Variants in STAU2 observed in about 807,000 individuals in gnomAD.
STAU2 encodes double-stranded RNA-binding protein Staufen homolog 2.
Under a neutral mutation model 65.9 loss-of-function variants are expected in STAU2, and 20 were observed. The observed-to-expected ratio is 0.30, with a 90% confidence interval of 0.21 to 0.44. STAU2 has a LOEUF of 0.44. STAU2 is among the 20% of genes least tolerant of loss of function. The pLI, the probability that STAU2 is intolerant of heterozygous loss-of-function variation, is 1.00. For synonymous variants in STAU2, 232 were observed against 233.9 expected (o/e 0.99, Z 0.07); for missense variants, 558 against 683.9 (o/e 0.82, Z 2.05).
At chr8:73,423,021 T>C (rs10283315) in intron 13 of STAU2, among the ~76,000 whole-genome samples, 71,097 of 152,090 alleles carry the variant, frequency 0.47, 17,071 homozygotes, top group African/African-American at 0.56. Flanking sequence ...ATTTCTCACG[T>C]TACTGAAACT....
chr8:73,615,998 T>C (rs528968496), intron 7 of STAU2, among the ~76,000 whole-genome samples: 1 of 152,322 alleles, frequency 6.6e-6, no homozygotes, highest in Admixed American at 6.5e-5. Context: ...AGGAAAAGCA[T>C]TTAATGCAGA....
chr8:73,481,556 G>A (rs903670918), intron 13 of STAU2, among the ~76,000 whole-genome samples: 5 of 140,742 alleles, frequency 3.6e-5, no homozygotes, highest in Non-Finnish European at 6.1e-5. Flanking sequence ...CCAAACTAAA[G>A]CATTCTCTAG....
At chr8:73,712,789 T>A (rs28704620) in intron 3 of STAU2, among the ~76,000 whole-genome samples, 1 of 151,672 alleles carries the variant, frequency 6.6e-6, no homozygotes, top group African/African-American at 2.4e-5. Flanking sequence ...ACCTCATCTC[T>A]ACAAAAAAAT....
chr8:73,430,690 T>A (rs1388084846), intron 13 of STAU2, among the ~76,000 whole-genome samples: 1 of 152,148 alleles, frequency 6.6e-6, no homozygotes, highest in Admixed American at 6.5e-5. Flanking sequence ...AATTTAACAG[T>A]CCACAAAAAT....
intron 12 of STAU2, among the ~76,000 whole-genome samples, chr8:73,558,127 C>A (rs76212096): frequency 0.087 from 13,308 of 152,216 alleles, 963 homozygotes; most frequent in African/African-American, 0.17. Context: ...TAACCATTAC[C>A]TTAAATAGCC....
At chr8:73,673,807 C>T (rs566339737) in intron 5 of STAU2, among the ~76,000 whole-genome samples, 8 of 151,942 alleles carry the variant, frequency 5.3e-5, no homozygotes, top group South Asian at 2.1e-4. Flanking sequence ...ATTAAAGATA[C>T]GTACAAGTAG....
At chr8:73,623,952 T>C (rs1813455376) in intron 6 of STAU2, among the ~76,000 whole-genome samples, 1 of 152,152 alleles carries the variant, frequency 6.6e-6, no homozygotes, top group Non-Finnish European at 1.5e-5. Flanking sequence ...GAAAATATGC[T>C]TTAAAAGAGG....
intron 12 of STAU2, among the ~76,000 whole-genome samples, chr8:73,553,304 T>C (rs1807472733): frequency 6.6e-6 from 1 of 152,222 alleles, no homozygotes; most frequent in Non-Finnish European, 1.5e-5. Context: ...TTTCCTGTTC[T>C]TGCCCCTTCC....
At chr8:73,663,538 T>G (rs1816997827) in intron 6 of STAU2, among the ~76,000 whole-genome samples, 1 of 151,984 alleles carries the variant, frequency 6.6e-6, no homozygotes, top group Non-Finnish European at 1.5e-5. Context: ...TTTGTTCTTT[T>G]CAAAATTGCT....
At chr8:73,428,821 G>A in intron 13 of STAU2, among the ~76,000 whole-genome samples, 1 of 152,090 alleles carries the variant, frequency 6.6e-6, no homozygotes, top group Non-Finnish European at 1.5e-5. Context: ...CTGCATATAT[G>A]AGACGAAGGC....
chr8:73,425,619 A>ATCTC (rs57368986), intron 13 of STAU2, among the ~76,000 whole-genome samples: 21 of 149,942 alleles, frequency 1.4e-4, no homozygotes, highest in Middle Eastern at 3.2e-3. Flanking sequence ...GGATAGCAAA[A>ATCTC]TCTCTCTCTC....
At chr8:73,631,721 A>T (rs1420538080) in intron 6 of STAU2, among the ~76,000 whole-genome samples, 1 of 152,162 alleles carries the variant, frequency 6.6e-6, no homozygotes, top group Admixed American at 6.6e-5. Flanking sequence ...AACAAATCAT[A>T]AGGAAATAAA....
Position 73,550,288 on chromosome 8 carries a change from A to G in STAU2, c.1530+1724T>C, listed in dbSNP as rs1807237937. Reference sequence around the variant, plus strand: ...TTTAAAAAGGCCTTAGCAATGCAATAATGAGGGAAGCAGACTCTACATGTT... The same window carrying G: ...TTTAAAAAGGCCTTAGCAATGCAATGATGAGGGAAGCAGACTCTACATGTT... On this transcript the variant is annotated intron_variant, in intron 13 of 14. Transcript: ENST00000524300. 3.0e-6 allele frequency: 3 copies of G among 984,650 alleles called. No homozygotes were observed. In the African/African-American group the frequency reaches 5.2e-5, roughly 17 times the overall value. 61.0% of individuals were successfully genotyped at this position (984,650 alleles called of 1,614,324 possible).
At chr8:73,514,939 A>G (rs1220026753) in intron 13 of STAU2, among the ~76,000 whole-genome samples, 2 of 152,212 alleles carry the variant, frequency 1.3e-5, no homozygotes, top group African/African-American at 4.8e-5. Context: ...ACTTCTTAGC[A>G]TCTAGTACAG....
chr8:73,551,183 A>G (rs1352254842), intron 13 of STAU2: 1 of 987,450 alleles, frequency 1.0e-6, no homozygotes, highest in Non-Finnish European at 1.2e-6. Context: ...CCCTTCCTAG[A>G]GTTTACAATT....
At chr8:73,680,053 G>A (rs1818312153) in intron 5 of STAU2, among the ~76,000 whole-genome samples, 1 of 136,784 alleles carries the variant, frequency 7.3e-6, no homozygotes, top group South Asian at 2.4e-4. Context: ...TGGAACTAGG[G>A]AAGTACCACA....
chr8:73,560,394 T>C (rs947402265), intron 12 of STAU2, among the ~76,000 whole-genome samples: 1 of 152,164 alleles, frequency 6.6e-6, no homozygotes, highest in Non-Finnish European at 1.5e-5. Flanking sequence ...TGATGTATTT[T>C]AATGTGCTCA....
chr8:73,672,577 A>C (rs913113621), intron 6 of STAU2: 8 of 152,220 alleles, frequency 5.3e-5, no homozygotes, highest in African/African-American at 1.9e-4. Flanking sequence ...CTGCATATAA[A>C]GGACAACTTC....
chr8:73,686,512 T>C (rs1818833090), intron 5 of STAU2, among the ~76,000 whole-genome samples: 1 of 148,242 alleles, frequency 6.7e-6, no homozygotes, highest in South Asian at 2.1e-4. Flanking sequence ...ATTGCACCAC[T>C]GCACTCCAGC....
Sources: gnomAD v4.1 joint callset for allele counts (sites outside exome capture counted in the v4.1 genomes callset) on GRCh38, gnomAD v4.1.1 for gene constraint, MANE v1.5 for transcripts, NCBI Gene and HGNC (gene_info 2026-07-23, HGNC 2026-07-21) for gene names.